The following WDR72 variants were observed in gnomAD, a reference collection of about 807,000 sequenced individuals.
WDR72 encodes the protein WD repeat-containing protein 72.
A neutral mutation model predicts 124.2 loss-of-function variants in WDR72; 120 were observed. The observed-to-expected ratio is 0.97, with a 90% confidence interval of 0.83 to 1.12. WDR72 has a LOEUF of 1.12. Ranked by LOEUF, WDR72 falls within the 50% of genes most tolerant of loss-of-function variation. The pLI, the probability that WDR72 is intolerant of heterozygous loss-of-function variation, is 0.00. For synonymous variants in WDR72, 452 were observed against 441.7 expected, an observed-to-expected ratio of 1.02 and a Z score of -0.29; for missense variants, 1,387 against 1,278.8, an observed-to-expected ratio of 1.08 and a Z score of -1.29.
At position 53,551,437 on chromosome 15, in the gene WDR72, C is replaced by A. The variant is rs370040203; in HGVS notation, c.3149-28115G>T. Among the ~76,000 whole-genome samples, 5 of 152,264 alleles carry A rather than the reference C, an allele frequency of 3.3e-5. No individual in the cohort carries two copies. The East Asian group carries it at 7.7e-4, about 24-fold the overall frequency. On this transcript the variant is annotated intron_variant, in intron 18 of 19. Transcript: ENST00000360509. ...GAAATTTGATCAAACCCACTCTCAG[C>A]CTTTCTCTTTCCAGCACCTTCTCTG... is the stretch of plus-strand genomic sequence containing the variant.
chr15:53,639,509 T>TATATAATTTTATTTATTTATAAAATTAC (rs2014757254), intron 14 of WDR72, among the ~76,000 whole-genome samples: 1 of 146,170 alleles, frequency 6.8e-6, no homozygotes, highest in Admixed American at 6.8e-5. Context: ...TATAAAATTA[T>TATATAATTTTATTTATTTATAAAATTAC]ATATAATTTT....
chr15:53,559,327 T>C (rs544541982), intron 18 of WDR72, among the ~76,000 whole-genome samples: 30 of 152,012 alleles, frequency 2.0e-4, no homozygotes, highest in African/African-American at 7.2e-4. Context: ...ACAATGAAAG[T>C]TTAAGAAAAA....
intron 1 of WDR72, among the ~76,000 whole-genome samples, chr15:53,750,548 A>C (rs1286584224): frequency 6.6e-6 from 1 of 152,154 alleles, no homozygotes; most frequent in East Asian, 1.9e-4. Flanking sequence ...TTTGACTTTC[A>C]ACTCTTACTA....
chr15:53,681,865 G>C (rs2016398783), intron 13 of WDR72, among the ~76,000 whole-genome samples: 1 of 151,454 alleles, frequency 6.6e-6, no homozygotes. Flanking sequence ...ACAAATACCT[G>C]TGTGTGTGTC....
chr15:53,567,918 T>C (rs1322665444), intron 18 of WDR72, among the ~76,000 whole-genome samples: 3 of 151,472 alleles, frequency 2.0e-5, no homozygotes, highest in Non-Finnish European at 4.4e-5. Context: ...TTATTAGAAA[T>C]GTCTTAAATT....
chr15:53,535,097 T>C (rs1038239841), intron 18 of WDR72, among the ~76,000 whole-genome samples: 2 of 152,166 alleles, frequency 1.3e-5, no homozygotes, highest in Admixed American at 6.5e-5. Flanking sequence ...AAAATAATTC[T>C]TGTGATCTTA....
At chr15:53,658,882 G>C (rs1166735744) in intron 14 of WDR72, among the ~76,000 whole-genome samples, 1 of 152,132 alleles carries the variant, frequency 6.6e-6, no homozygotes, top group Non-Finnish European at 1.5e-5. Context: ...TAAATCTACA[G>C]AAGAGAAAAG....
intron 18 of WDR72, among the ~76,000 whole-genome samples, chr15:53,527,082 G>C (rs1033292989): frequency 2.0e-5 from 3 of 152,030 alleles, no homozygotes; most frequent in African/African-American, 4.8e-5. Context: ...AATTCTTCTA[G>C]ATCCTAAAGA....
At chr15:53,565,010 G>T (rs1894243912) in intron 18 of WDR72, among the ~76,000 whole-genome samples, 1 of 151,816 alleles carries the variant, frequency 6.6e-6, no homozygotes. Context: ...TTTCCTAAGT[G>T]AAAGGAATTA....
Position 53,757,356 on chromosome 15 carries a change from C to T in WDR72, c.-13+2277G>A, listed in dbSNP as rs561163042. 2.0e-4 allele frequency among the ~76,000 whole-genome samples: 30 copies of T among 152,286 alleles called. 1 individual carries two copies. In the South Asian group the frequency reaches 5.8e-3, roughly 29 times the overall value. ...ATTCCTAAATGGCCAGGCACGGTGGCTCATGCCTGTAATCCCAACACTTTG... is the reference window on the plus strand; with the variant it reads ...ATTCCTAAATGGCCAGGCACGGTGGTTCATGCCTGTAATCCCAACACTTTG... On this transcript the variant is annotated intron_variant, in intron 1 of 19. Coordinates refer to ENST00000360509, the MANE Select transcript of WDR72 (RefSeq NM_182758.4).
chr15:53,526,553 C>T (rs1468884225), intron 18 of WDR72, among the ~76,000 whole-genome samples: 1 of 152,030 alleles, frequency 6.6e-6, no homozygotes, highest in South Asian at 2.1e-4. Flanking sequence ...TGAAAGTTAG[C>T]TATAGACAGG....
intron 18 of WDR72, among the ~76,000 whole-genome samples, chr15:53,529,201 C>A: frequency 7.7e-6 from 1 of 130,490 alleles, no homozygotes. Flanking sequence ...TAAAAAATTT[C>A]ATTAAAGAGG....
At chr15:53,544,079 G>A (rs1380268901) in intron 18 of WDR72, among the ~76,000 whole-genome samples, 2 of 142,022 alleles carry the variant, frequency 1.4e-5, no homozygotes, top group African/African-American at 5.3e-5. Context: ...TTCTACCAGA[G>A]GTACAAGGAG....
chr15:53,722,298 G>A (rs555921471), intron 3 of WDR72, among the ~76,000 whole-genome samples: 11 of 152,166 alleles, frequency 7.2e-5, no homozygotes, highest in African/African-American at 2.4e-4. Context: ...GCCTCCGAAA[G>A]TGCTGGGATT....
chr15:53,600,284 T>C (rs1184894658), intron 17 of WDR72, among the ~76,000 whole-genome samples: 25 of 152,106 alleles, frequency 1.6e-4, no homozygotes, highest in Admixed American at 1.3e-3. Flanking sequence ...AGGTAGTCAA[T>C]AGAAATAGAA....
intron 10 of WDR72, 50 bp from the exon 11 acceptor site, chr15:53,705,283 T>C (rs763196247): frequency 3.6e-5 from 57 of 1,579,958 alleles, no homozygotes; most frequent in African/African-American, 6.7e-5. Context: ...CAGTACATCA[T>C]AGACATGGAA....
intron 18 of WDR72, among the ~76,000 whole-genome samples, chr15:53,580,370 T>C (rs759776405): frequency 1.3e-5 from 2 of 152,108 alleles, no homozygotes; most frequent in Non-Finnish European, 2.9e-5. Context: ...AGAAAACCTC[T>C]GTTTTTACAA....
chr15:53,528,816 C>T (rs967146937), intron 18 of WDR72, among the ~76,000 whole-genome samples: 7 of 151,916 alleles, frequency 4.6e-5, no homozygotes, highest in Admixed American at 6.6e-5. Context: ...CAATTGCTTA[C>T]GGAATCTGTT....
chr15:53,565,661 T>G (rs894277878), intron 18 of WDR72, among the ~76,000 whole-genome samples: 2 of 151,958 alleles, frequency 1.3e-5, no homozygotes, highest in Admixed American at 6.6e-5. Flanking sequence ...ACCAGTTACA[T>G]GCTGATGGAC....
Sources: gnomAD v4.1 joint callset for allele counts (sites outside exome capture counted in the v4.1 genomes callset) on GRCh38, gnomAD v4.1.1 for gene constraint, MANE v1.5 for transcripts, NCBI Gene and HGNC (gene_info 2026-07-23, HGNC 2026-07-21) for gene names.